SRRM2: variants seen among roughly 807,000 people sequenced by gnomAD.
SRRM2 encodes the protein serine/arginine repetitive matrix protein 2.
SRRM2 carries 30 observed loss-of-function variants against 213.8 expected under a neutral mutation model. The observed-to-expected ratio is 0.14, with a 90% confidence interval of 0.10 to 0.19. SRRM2 has a LOEUF of 0.19. SRRM2 is among the 10% of genes least tolerant of loss of function. SRRM2 has a pLI of 1.00. For missense variants in SRRM2, 4,904 were observed against 3,647.0 expected (o/e 1.34, Z -8.88); for synonymous variants, 2,025 against 1,377.7 (o/e 1.47, Z -10.40).
chr16:2,761,387 A>G (rs1042630616), intron 10 of SRRM2, among the ~76,000 whole-genome samples, 174 bp from the exon 11 acceptor site: 5 of 152,132 alleles, frequency 3.3e-5, no homozygotes, highest in African/African-American at 1.2e-4. Context: ...ATATATTCAT[A>G]TGTTTTCACC....
intron 12 of SRRM2, chr16:2,770,061 TC>T: frequency 8.6e-7 from 1 of 1,156,640 alleles, no homozygotes; most frequent in African/African-American, 1.6e-5. Flanking sequence ...GCCACGCACA[TC>T]CAGCCCTGCT....
Position 2,762,537 on chromosome 16 carries a change from G to C in SRRM2, c.2009G>C (p.Arg670Pro). The C allele has an allele frequency of 6.2e-7, 1 of 1,614,000 alleles. No individual in the cohort carries two copies. The highest frequency in any genetic ancestry group is 8.5e-7 in the Non-Finnish European group (1 of 1,179,988). ...ACCCCAGCCAGACGTGGCCGCTCAC[G>C]CTCTAGAACCCCAGCTAGACGCAGT... ...SRTPARRGRS[R>P]SRTPARRSGR... The change falls in exon 11 of 15, where the codon CGC (arginine) becomes CCC (proline). Residue 670 changes from arginine to proline, a missense_variant. By Grantham distance (103) the Arg-to-Pro change is moderately radical. Transcript: ENST00000301740.
At chr16:2,755,049 C>T (rs1037469933) in intron 1 of SRRM2, among the ~76,000 whole-genome samples, 6 of 152,230 alleles carry the variant, frequency 3.9e-5, no homozygotes, top group African/African-American at 9.6e-5. Flanking sequence ...TTTGATTACT[C>T]TCTCCGCTTT....
At chr16:2,769,984 A>G in intron 12 of SRRM2, 1 of 479,644 alleles carries the variant, frequency 2.1e-6, no homozygotes, top group Non-Finnish European at 3.8e-6. Context: ...TCAAAACAGC[A>G]CCTTCGAGAA....
At position 2,760,594 on chromosome 16, in the gene SRRM2, A is replaced by G. The variant is rs992645655; in HGVS notation, c.1032+95A>G. On this transcript the variant is annotated intron_variant, in intron 10 of 14. Transcript: ENST00000301740. ...AAGGGAGAGGTAATAACTTATTAAAATAAATAAATTCAGTTTTTTTTCCTG... is the reference window on the plus strand; with the variant it reads ...AAGGGAGAGGTAATAACTTATTAAAGTAAATAAATTCAGTTTTTTTTCCTG... 7 of 1,401,976 alleles carry G rather than the reference A, an allele frequency of 5.0e-6. No individual in the cohort carries two copies. The African/African-American group carries it at 1.0e-4, about 20-fold the overall frequency. The allele number at this position is 1,401,976 out of a possible 1,614,324, so 86.8% of individuals were successfully genotyped here.
chr16:2,754,917 C>A (rs573398692), intron 1 of SRRM2, among the ~76,000 whole-genome samples: 2 of 152,216 alleles, frequency 1.3e-5, no homozygotes, highest in Non-Finnish European at 2.9e-5. Flanking sequence ...TGCTACTGGG[C>A]TTGGGTAGGG....
In SRRM2 at chr16:2,762,561, G is replaced by A; in HGVS notation, c.2033G>A (p.Ser678Asn). 2 of 1,614,006 alleles carry A rather than the reference G, an allele frequency of 1.2e-6. No individual in the cohort carries two copies. Among genetic ancestry groups the A allele is most frequent in the East Asian group, 2.2e-5 (1 of 44,876 alleles). The change falls in exon 11 of 15, where the codon AGT becomes AAT. Residue 678 changes from serine (S) to asparagine (N), a missense_variant. Physicochemically the swap from Ser to Asn is conservative, Grantham distance 46. Transcript: ENST00000301740. ...CGCTCTAGAACCCCAGCTAGACGCA[G>A]TGGTCGCTCACGCTCCAGAACACCA... is the stretch of plus-strand genomic sequence containing the variant. ...RSRSRTPARR[S>N]GRSRSRTPAR...
intron 1 of SRRM2, among the ~76,000 whole-genome samples, chr16:2,754,339 C>T (rs1249645108): frequency 1.3e-5 from 2 of 151,804 alleles, no homozygotes; most frequent in African/African-American, 2.4e-5. Flanking sequence ...TGTTGGCAGG[C>T]CGGAGTGCAG....
chr16:2,762,199 A>G lies in SRRM2; in HGVS notation c.1671A>G (p.Ala557=). The G allele has an allele frequency of 1.2e-6, 2 of 1,614,044 alleles. No homozygotes were observed. The highest frequency in any genetic ancestry group is 1.7e-4 in the Middle Eastern group (1 of 6,060). ...NTQRRGRSRS[A]RRGRSHSRSP... Reference sequence around the variant, plus strand: ...AGAGAAGAGGCAGGTCTAGGTCAGCAAGGCGAGGGAGGTCCCACTCTAGAT... The same window carrying G: ...AGAGAAGAGGCAGGTCTAGGTCAGCGAGGCGAGGGAGGTCCCACTCTAGAT... The change falls in exon 11 of 15, where the codon GCA becomes GCG. Residue 557 remains alanine (A), a synonymous_variant. Coordinates refer to ENST00000301740, the MANE Select transcript of SRRM2 (RefSeq NM_016333.4).
rs144378555 is a variant in SRRM2, at chr16:2,766,942, C to G, written c.6414C>G (p.Pro2138=). Residue 2138 remains proline (P), a synonymous_variant, in exon 11 of 15, where the codon CCC becomes CCG. Coordinates refer to ENST00000301740, the MANE Select transcript of SRRM2 (RefSeq NM_016333.4). This position sits in a 1 kb window ranked among gnomAD's most constrained non-coding sequence, Gnocchi z 7.0. The part of the protein sequence containing the change: ...DRCRSPGMLE[P]LGSSRTPMSV... ...GCAGATCACCTGGAATGCTTGAACCCCTTGGCAGCTCTAGAACACCCATGT... is the reference window on the plus strand; with the variant it reads ...GCAGATCACCTGGAATGCTTGAACCGCTTGGCAGCTCTAGAACACCCATGT... 498 of 1,614,092 alleles carry G rather than the reference C, an allele frequency of 3.1e-4. 3 individuals carry two copies. In the African/African-American group the frequency reaches 5.8e-3, roughly 19 times the overall value.
intron 12 of SRRM2, 137 bp from the exon 13 acceptor site, chr16:2,770,215 T>C (rs751391592): frequency 2.8e-5 from 41 of 1,450,636 alleles, no homozygotes; most frequent in South Asian, 1.2e-4. Context: ...GATGGGTGAG[T>C]GAGCGGACAA....
Position 2,769,149 on chromosome 16 carries a change from C to T in SRRM2, c.7886C>T (p.Ser2629Phe), listed in dbSNP as rs754334125. The T allele has an allele frequency of 3.1e-6, 5 of 1,612,574 alleles. No individual in the cohort carries two copies. Among genetic ancestry groups the T allele is most frequent in the Non-Finnish European group, 3.4e-6 (4 of 1,178,730 alleles). ...TCCTCCTCCTCCTCCTCTTCTTCCT[C>T]CTCCTCTTCCTCTTCTTCTTCTTCC... ...SSSSSSSSSS[S>F]SSSSSSSSSS... is the part of the protein sequence containing the mutation. Residue 2629 changes from serine (S) to phenylalanine (F), a missense_variant, in exon 12 of 15, where the codon TCC becomes TTC. Physicochemically the swap from Ser to Phe is radical, Grantham distance 155. Transcript: ENST00000301740.
intron 1 of SRRM2, among the ~76,000 whole-genome samples, chr16:2,755,184 G>A (rs1227164811): frequency 6.6e-6 from 1 of 152,216 alleles, no homozygotes; most frequent in Non-Finnish European, 1.5e-5. Flanking sequence ...TAGAGTATGT[G>A]TAGCCAAGGA....
Position 2,758,504 on chromosome 16 carries a change from A to G in SRRM2, c.550A>G (p.Thr184Ala). 6.2e-7 allele frequency: 1 copy of G among 1,614,120 alleles called. No individual in the cohort carries two copies. Among genetic ancestry groups the G allele is most frequent in the African/African-American group, 1.3e-5 (1 of 75,008 alleles). Residue 184 changes from threonine to alanine, a missense_variant, in exon 5 of 15, where the codon ACC (threonine) becomes GCC (alanine). Transcript: ENST00000301740. ...GGAGTCTAGCAGTTCTCGCTCACCA[A>G]CCCCAAAGCAGAAGAAGAAGAAAAA... ...VRESSSSRSPTPKQKKKKKKK... is the reference protein window; with the variant it reads ...VRESSSSRSPAPKQKKKKKKK...
At chr16:2,769,993 A>G (rs2068684516) in intron 12 of SRRM2, 1 of 516,006 alleles carries the variant, frequency 1.9e-6, no homozygotes, top group Non-Finnish European at 3.4e-6. Flanking sequence ...CACCTTCGAG[A>G]AGACTGCCCT....
chr16:2,758,809 A>T, intron 5 of SRRM2, 176 bp from the exon 6 acceptor site: 1 of 735,914 alleles, frequency 1.4e-6, no homozygotes, highest in Non-Finnish European at 2.2e-6. Context: ...TTGTTGACTT[A>T]AGGAGTTACT....
At position 2,761,812 on chromosome 16, in the gene SRRM2, C is replaced by T; in HGVS notation, c.1284C>T (p.Thr428=). ...GCAGCCCACCATCCCCTCAACCTACCAAAGTTTCTCGGCATGCCAGCTCTT... is the reference window on the plus strand; with the variant it reads ...GCAGCCCACCATCCCCTCAACCTACTAAAGTTTCTCGGCATGCCAGCTCTT... The part of the protein sequence containing the change: ...SESSPPSPQP[T]KVSRHASSSP... Residue 428 remains threonine, a synonymous_variant, in exon 11 of 15, where the codon ACC becomes ACT. Transcript: ENST00000301740. 2 of 1,614,022 alleles carry T rather than the reference C, an allele frequency of 1.2e-6. No homozygotes were observed. The highest frequency in any genetic ancestry group is 2.7e-5 in the African/African-American group (2 of 75,024).
chr16:2,761,503 G>A (rs2068346607), intron 10 of SRRM2, 58 bp from the exon 11 acceptor site: 3 of 1,381,080 alleles, frequency 2.2e-6, no homozygotes, highest in Non-Finnish European at 2.9e-6. Flanking sequence ...GATCTTAGGG[G>A]TGATGTGAAG....
At position 2,763,903 on chromosome 16, in the gene SRRM2, T is replaced by C; in HGVS notation, c.3375T>C (p.Pro1125=). 3.1e-6 allele frequency: 5 copies of C among 1,614,220 alleles called. No individual in the cohort carries two copies. Among genetic ancestry groups the C allele is most frequent in the Non-Finnish European group, 4.2e-6 (5 of 1,180,046 alleles). The change falls in exon 11 of 15, where the codon CCT becomes CCC. Residue 1125 remains proline (P), a synonymous_variant. Coordinates refer to ENST00000301740, the MANE Select transcript of SRRM2 (RefSeq NM_016333.4). Reference sequence around the variant, plus strand: ...ATAGAGGTGAGTTCTCAGCGAGTCCTATGTTGAAATCTGGAATGTCTCCTG... The same window carrying C: ...ATAGAGGTGAGTTCTCAGCGAGTCCCATGTTGAAATCTGGAATGTCTCCTG... ...RQDRGEFSAS[P]MLKSGMSPEQ... is the part of the protein sequence containing the mutation.
Sources: allele counts gnomAD v4.1 joint callset (sites outside exome capture counted in the v4.1 genomes callset), GRCh38; gene constraint gnomAD v4.1.1; non-coding constraint Gnocchi (gnomAD v3.1); transcripts MANE v1.5; gene names NCBI Gene and HGNC (gene_info 2026-07-23, HGNC 2026-07-21).